SOX6: variants seen among roughly 807,000 people sequenced by gnomAD.
SOX6 encodes the protein SRY-box transcription factor 6, also known as transcription factor SOX-6.
SOX6 carries 11 observed loss-of-function variants against 97.8 expected under a neutral mutation model. That is an observed-to-expected ratio of 0.11 (90% confidence interval 0.07 to 0.19). The LOEUF (loss-of-function observed/expected upper bound fraction) is 0.19, where lower values mean the gene tolerates loss of function less well. Among genes scored for constraint, SOX6 ranks in the 10% least tolerant of loss-of-function variants. The pLI is 1.00. For missense variants in SOX6, 810 were observed against 1,039.5 expected (o/e 0.78, Z 3.04); for synonymous variants, 360 against 371.4 (o/e 0.97, Z 0.35).
intron 6 of SOX6, among the ~76,000 whole-genome samples, chr11:16,176,406 A>G (rs774059778): frequency 2.0e-5 from 3 of 151,884 alleles, no homozygotes; most frequent in Non-Finnish European, 4.4e-5. Context: ...GCTCACATTC[A>G]TCAGATGAAG....
chr11:15,979,042 C>CATATATATATATATATATAT (rs57062569), intron 15 of SOX6, among the ~76,000 whole-genome samples: 1,439 of 106,782 alleles, frequency 0.013, 27 homozygotes, highest in African/African-American at 0.027. Flanking sequence ...ATATATTTTA[C>CATATATATATATATATATAT]ATATATATAT....
At chr11:16,634,389 A>G (rs568718155) in intron 3 of SOX6, among the ~76,000 whole-genome samples, 4 of 152,232 alleles carry the variant, frequency 2.6e-5, no homozygotes, top group African/African-American at 9.6e-5. Flanking sequence ...AAAAGATCCA[A>G]CATGAAAGCT....
chr11:16,532,988 C>G (rs1861258810), intron 4 of SOX6, among the ~76,000 whole-genome samples: 1 of 151,784 alleles, frequency 6.6e-6, no homozygotes, highest in African/African-American at 2.4e-5. Context: ...AATGTTTCAT[C>G]ATGTTCAGCA....
chr11:16,055,735 C>A lies in SOX6; in HGVS notation c.1251+17G>T. 1 of 1,613,502 alleles carries A rather than the reference C, an allele frequency of 6.2e-7. No homozygotes were observed. The highest frequency in any genetic ancestry group is 8.5e-7 in the Non-Finnish European group (1 of 1,179,654). On this transcript the variant is annotated intron_variant, in intron 10 of 15. Coordinates refer to ENST00000683767, the MANE Select transcript of SOX6 (RefSeq NM_001367873.1). ...TTTTTTCTAAACTGTTTCCACAATG[C>A]TGCAAGGCGAGTGTACCTTAACTTG...
At chr11:16,566,503 G>C (rs1489941752) in intron 4 of SOX6, among the ~76,000 whole-genome samples, 1 of 152,162 alleles carries the variant, frequency 6.6e-6, no homozygotes, top group African/African-American at 2.4e-5. Flanking sequence ...CCTGCTAAGG[G>C]AAAAGAAATA....
At chr11:16,214,157 A>G (rs1852303196) in intron 4 of SOX6, among the ~76,000 whole-genome samples, 1 of 152,190 alleles carries the variant, frequency 6.6e-6, no homozygotes, top group Non-Finnish European at 1.5e-5. Context: ...TTTGATTTGA[A>G]TTGATTAAGT....
At chr11:16,132,386 GAAAGAAAGAAAGAAAA>G (rs1564972184) in intron 6 of SOX6, among the ~76,000 whole-genome samples, 2 of 79,480 alleles carry the variant, frequency 2.5e-5, no homozygotes, top group African/African-American at 5.7e-5. Context: ...AAGAAAGAAA[GAAAGAAAGAAAGAAAA>G]AAGAAAGAAA....
intron 4 of SOX6, among the ~76,000 whole-genome samples, chr11:16,579,913 G>T (rs1318114771): frequency 1.3e-5 from 2 of 152,112 alleles, no homozygotes; most frequent in African/African-American, 4.8e-5. Context: ...CCCAGTGTAT[G>T]AGAGTTCCAG....
chr11:16,223,311 A>G (rs1852596672), intron 4 of SOX6, among the ~76,000 whole-genome samples: 1 of 152,056 alleles, frequency 6.6e-6, no homozygotes, highest in South Asian at 2.1e-4. Context: ...TTCATTTAAC[A>G]CTCAACTTGT....
intron 3 of SOX6, among the ~76,000 whole-genome samples, chr11:16,279,569 A>G (rs1390379867): frequency 6.6e-6 from 1 of 152,068 alleles, no homozygotes; most frequent in African/African-American, 2.4e-5. Context: ...AATATTTTTA[A>G]TACAGAGTCC....
At chr11:16,291,463 C>T (rs958851482) in intron 3 of SOX6, among the ~76,000 whole-genome samples, 67 of 151,714 alleles carry the variant, frequency 4.4e-4, no homozygotes, top group Non-Finnish European at 6.6e-4. Flanking sequence ...ATAAACCTAC[C>T]TTGCAGAATA....
chr11:15,994,532 T>C (rs763153307), intron 13 of SOX6, among the ~76,000 whole-genome samples: 12 of 151,862 alleles, frequency 7.9e-5, no homozygotes, highest in Admixed American at 2.0e-4. Flanking sequence ...AAGAAGTCTT[T>C]TGAGGTTTTT....
At position 16,027,765 on chromosome 11, in the gene SOX6, C is replaced by A. The variant is rs191103975; in HGVS notation, c.1624-12715G>T. ...ACGTGCTGCATATGAGAGAGGGGCA[C>A]GTGTGGGAACACGTACATGCTCACC... On this transcript the variant is annotated intron_variant, in intron 12 of 15. Transcript: ENST00000683767. 4.6e-5 allele frequency among the ~76,000 whole-genome samples: 7 copies of A among 152,258 alleles called. No individual in the cohort carries two copies. In the East Asian group the frequency reaches 5.8e-4, roughly 13 times the overall value.
chr11:16,410,057 C>T (rs1274695238), intron 1 of SOX6, among the ~76,000 whole-genome samples: 1 of 151,950 alleles, frequency 6.6e-6, no homozygotes, highest in Non-Finnish European at 1.5e-5. Context: ...TACAAAGTTG[C>T]AATTAGGCAG....
chr11:16,560,492 CAT>C (rs748895742), intron 4 of SOX6, among the ~76,000 whole-genome samples: 56 of 137,132 alleles, frequency 4.1e-4, no homozygotes, highest in African/African-American at 1.3e-3. Context: ...TTTATACGTA[CAT>C]ATATGTTTAT....
chr11:15,982,234 G>A (rs1045762721), intron 15 of SOX6, among the ~76,000 whole-genome samples: 17 of 151,806 alleles, frequency 1.1e-4, no homozygotes, highest in African/African-American at 3.6e-4. Context: ...ATCTCAGCTC[G>A]GCCATTTACT....
At chr11:16,448,586 C>G (rs1033401545) in intron 1 of SOX6, among the ~76,000 whole-genome samples, 4 of 152,178 alleles carry the variant, frequency 2.6e-5, no homozygotes, top group South Asian at 2.1e-4. Context: ...TGACTTTCTT[C>G]TGATACTCTT....
chr11:16,178,428 A>G (rs558735145), intron 6 of SOX6, among the ~76,000 whole-genome samples: 1 of 152,126 alleles, frequency 6.6e-6, no homozygotes, highest in African/African-American at 2.4e-5. Context: ...GGTTTTAAAC[A>G]TCCAAAGATC....
chr11:16,599,443 C>A (rs1222148347), intron 4 of SOX6, among the ~76,000 whole-genome samples: 2 of 152,096 alleles, frequency 1.3e-5, no homozygotes, highest in Non-Finnish European at 2.9e-5. Context: ...TAGTTACAGT[C>A]TAAAATATTA....
Sources: gnomAD v4.1 joint callset for allele counts (sites outside exome capture counted in the v4.1 genomes callset) on GRCh38, gnomAD v4.1.1 for gene constraint, MANE v1.5 for transcripts, NCBI Gene and HGNC (gene_info 2026-07-23, HGNC 2026-07-21) for gene names.